KDM4C: variants seen among roughly 807,000 people sequenced by gnomAD.
KDM4C encodes lysine demethylase 4C.
Under a neutral mutation model 129.3 loss-of-function variants are expected in KDM4C, and 81 were observed. The observed-to-expected ratio is 0.63, with a 90% CI of 0.52 to 0.75. The LOEUF (loss-of-function observed/expected upper bound fraction) is 0.75. Among genes scored for constraint, KDM4C ranks in the 30% least tolerant of loss-of-function variants. The pLI is 0.00. For missense variants in KDM4C, 1,457 were observed against 1,304.0 expected (o/e 1.12, Z -1.81); for synonymous variants, 573 against 456.1 (o/e 1.26, Z -3.26).
chr9:6,867,967 A>G (rs779772266), intron 5 of KDM4C, among the ~76,000 whole-genome samples: 1 of 152,216 alleles, frequency 6.6e-6, no homozygotes, highest in Non-Finnish European at 1.5e-5. Context: ...TTTCTGTGAT[A>G]GGTCCCTACT....
intron 5 of KDM4C, among the ~76,000 whole-genome samples, chr9:6,857,882 G>A (rs1057049697): frequency 6.8e-6 from 1 of 146,890 alleles, no homozygotes; most frequent in African/African-American, 2.5e-5. Context: ...AGCCTCCTGA[G>A]TAGCTAGGAC....
At chr9:6,958,484 G>A (rs1179879207) in intron 8 of KDM4C, among the ~76,000 whole-genome samples, 1 of 151,924 alleles carries the variant, frequency 6.6e-6, no homozygotes, top group Admixed American at 6.6e-5. Context: ...CTACTTGGGA[G>A]GCTGAGGCAG....
intron 1 of KDM4C, among the ~76,000 whole-genome samples, chr9:6,791,595 G>T (rs1385123244): frequency 2.0e-5 from 3 of 152,236 alleles, no homozygotes; most frequent in Non-Finnish European, 4.4e-5. Context: ...AAGCACACCT[G>T]AGTAAACTAA....
chr9:6,948,174 A>G (rs1214635472), intron 8 of KDM4C: 1 of 152,190 alleles, frequency 6.6e-6, no homozygotes, highest in Non-Finnish European at 1.5e-5. Context: ...GAAATTTATA[A>G]TCTGAAGCAT....
rs1832756955 is a variant in KDM4C, at chr9:7,068,631, T to G, written c.2424+19431T>G. Reference sequence around the variant, plus strand: ...TTTTCTTTGGCTACCTGGTTTTGGTTTCTTTGCTGGCTCCTTTTCTTCTGT... The same window carrying G: ...TTTTCTTTGGCTACCTGGTTTTGGTGTCTTTGCTGGCTCCTTTTCTTCTGT... On this transcript the variant is annotated intron_variant, in intron 17 of 21. Transcript: ENST00000381309. Among the ~76,000 whole-genome samples, 9 of 151,980 alleles carry G rather than the reference T, an allele frequency of 5.9e-5. No homozygotes were observed. The South Asian group carries it at 1.9e-3, about 32-fold the overall frequency.
chr9:6,777,916 C>CT (rs35889810), intron 1 of KDM4C, among the ~76,000 whole-genome samples: 10,418 of 137,556 alleles, frequency 0.076, 559 homozygotes, highest in Non-Finnish European at 0.12. Flanking sequence ...GTTTTCAGGC[C>CT]TTTTTTTTTT....
intron 8 of KDM4C, among the ~76,000 whole-genome samples, chr9:6,951,963 G>A (rs1358387113): frequency 2.0e-5 from 3 of 151,914 alleles, no homozygotes; most frequent in Non-Finnish European, 2.9e-5. Context: ...ATTGGGGTAT[G>A]GCAGTGTGAT....
intron 4 of KDM4C, among the ~76,000 whole-genome samples, chr9:6,845,892 G>A (rs998739165): frequency 6.6e-6 from 1 of 152,200 alleles, no homozygotes; most frequent in Non-Finnish European, 1.5e-5. Flanking sequence ...CTGGTGTGCA[G>A]CCTTTCTGCT....
At chr9:6,872,961 T>C (rs1842988592) in intron 5 of KDM4C, among the ~76,000 whole-genome samples, 1 of 152,166 alleles carries the variant, frequency 6.6e-6, no homozygotes, top group Non-Finnish European at 1.5e-5. Flanking sequence ...AGTTTCGCTC[T>C]TGTGGCCCAG....
At chr9:7,000,239 A>C (rs953285833) in intron 12 of KDM4C, among the ~76,000 whole-genome samples, 4 of 152,218 alleles carry the variant, frequency 2.6e-5, no homozygotes, top group African/African-American at 9.6e-5. Flanking sequence ...TGAATAAAAA[A>C]ATCAAAACCA....
chr9:7,126,821 C>T (rs1840070005), intron 18 of KDM4C, among the ~76,000 whole-genome samples: 1 of 151,028 alleles, frequency 6.6e-6, no homozygotes, highest in Non-Finnish European at 1.5e-5. Flanking sequence ...CCTGAAACAT[C>T]TTATCAGACA....
rs56161284 is a variant in KDM4C at position 7,087,089 on chromosome 9, C to CTTTT, written c.2425-16586_2425-16583dup. ...ACTTTTTATTGCAACTTACGTGGCT[C>CTTTT]TTTTTTTTTTTTTCACTTTTGACAG... is the stretch of plus-strand genomic sequence containing the variant. On this transcript the variant is annotated intron_variant, in intron 17 of 21. Coordinates refer to ENST00000381309, the MANE Select transcript of KDM4C (RefSeq NM_015061.6). Among the ~76,000 whole-genome samples the CTTTT allele has an allele frequency of 8.9e-5, 13 of 145,538 alleles. 1 individual carries two copies. Among genetic ancestry groups the CTTTT allele is most frequent in the Admixed American group, 7.5e-4 (11 of 14,650 alleles).
At chr9:6,990,387 T>G (rs1818514160) in intron 11 of KDM4C, 29 bp from the exon 12 acceptor site, 2 of 1,390,170 alleles carry the variant, frequency 1.4e-6, no homozygotes, top group Admixed American at 1.7e-5. Flanking sequence ...GATAATGGTA[T>G]TTCTCCACCA....
chr9:7,125,384 T>G (rs1163283889), intron 18 of KDM4C, among the ~76,000 whole-genome samples: 2 of 152,194 alleles, frequency 1.3e-5, no homozygotes, highest in African/African-American at 4.8e-5. Context: ...GTGAGATGGC[T>G]TCATGGCACA....
intron 17 of KDM4C, chr9:7,076,448 C>G (rs1398663250): frequency 1.9e-6 from 3 of 1,550,134 alleles, no homozygotes; most frequent in East Asian, 2.4e-5. Context: ...GGCTGGGAAT[C>G]TAGACACAGC....
At chr9:7,167,758 C>T (rs1356475230) in intron 20 of KDM4C, among the ~76,000 whole-genome samples, 1 of 152,226 alleles carries the variant, frequency 6.6e-6, no homozygotes, top group Non-Finnish European at 1.5e-5. Context: ...GACATACCCA[C>T]CTGGGTGTCT....
In KDM4C at chr9:7,011,861, G is replaced by A. The variant is rs775385192; in HGVS notation, c.1950G>A (p.Leu650=). ...AGCCACACTGTGCCATCTGCACTCT[G>A]CTCATGCCGTACCACAAGGTAAAGG... ...RMKPHCAICT[L]LMPYHKPDSS... Residue 650 remains leucine (L), a synonymous_variant, in exon 13 of 22, where the codon CTG becomes CTA. Transcript: ENST00000381309. The A allele has an allele frequency of 6.2e-7, 1 of 1,613,576 alleles. No homozygotes were observed. Among genetic ancestry groups the A allele is most frequent in the East Asian group, 2.2e-5 (1 of 44,880 alleles).
Position 7,064,730 on chromosome 9 carries a change from G to T in KDM4C, c.2424+15530G>T, listed in dbSNP as rs76706066. On this transcript the variant is annotated intron_variant, in intron 17 of 21. Transcript: ENST00000381309. ...GCTCAGAAGAGCGATATGCTAGGGG[G>T]TTAGAATCTTACTGCTCCTAGGTAT... 6.2e-3 allele frequency among the ~76,000 whole-genome samples: 950 copies of T among 152,234 alleles called. 11 individuals carry two copies. Among genetic ancestry groups the T allele is most frequent in the Middle Eastern group, 0.037 (11 of 294 alleles).
intron 8 of KDM4C, among the ~76,000 whole-genome samples, chr9:6,918,030 T>G (rs1349393631): frequency 1.3e-5 from 2 of 152,192 alleles, no homozygotes; most frequent in African/African-American, 2.4e-5. Flanking sequence ...ATATAAACTT[T>G]TATTTTAGGT....
Sources: allele counts gnomAD v4.1 joint callset (sites outside exome capture counted in the v4.1 genomes callset), GRCh38; gene constraint gnomAD v4.1.1; transcripts MANE v1.5; gene names NCBI Gene and HGNC (gene_info 2026-07-23, HGNC 2026-07-21).